Variants in HIVEP1 observed in about 807,000 individuals in gnomAD.
HIVEP1 encodes the protein zinc finger protein 40.
HIVEP1 carries 36 observed loss-of-function variants against 180.0 expected under a neutral mutation model. The observed-to-expected ratio is 0.20, with a 90% CI of 0.15 to 0.26. The LOEUF is 0.26. HIVEP1 is among the 10% of genes least tolerant of loss of function. HIVEP1 has a pLI of 1.00. For synonymous variants in HIVEP1, 1,239 were observed against 1,239.0 expected (o/e 1.00, Z 0.00); for missense variants, 3,143 against 3,268.7 (o/e 0.96, Z 0.94).
intron 2 of HIVEP1, among the ~76,000 whole-genome samples, chr6:12,082,734 G>A (rs1161832159): frequency 1.1e-4 from 16 of 152,116 alleles, no homozygotes. Context: ...TATAGTCACT[G>A]CATTACTGCA....
chr6:12,211,971 T>C, the HIVEP1 span, among the ~76,000 whole-genome samples: 1 of 152,164 alleles, frequency 6.6e-6, no homozygotes, highest in Non-Finnish European at 1.5e-5. Flanking sequence ...ATGCTTTCCT[T>C]GTTGGGAGAA....
In HIVEP1 at chr6:12,123,093, C is replaced by T; in HGVS notation, c.3298C>T (p.Pro1100Ser). ...CCATATTCACCTTGTTGCCAGGGGC[C>T]CTGAGCAGACCATGGATCCCAAGCT... ...NSHIHLVARG[P>S]EQTMDPKLST... Residue 1100 changes from proline (P) to serine (S), a missense_variant, in exon 4 of 9, where the codon CCT becomes TCT. Pro to Ser is a moderately conservative substitution (Grantham distance 74, BLOSUM62 -1). Transcript: ENST00000379388. 6.2e-7 allele frequency: 1 copy of T among 1,614,110 alleles called. No individual in the cohort carries two copies. Among genetic ancestry groups the T allele is most frequent in the South Asian group, 1.1e-5 (1 of 91,070 alleles).
chr6:12,182,123 A>G, the HIVEP1 span, among the ~76,000 whole-genome samples: 4 of 152,242 alleles, frequency 2.6e-5, no homozygotes, highest in African/African-American at 9.6e-5. Context: ...CACTTCCTGT[A>G]TTAACAGTAG....
chr6:12,177,602 T>G, the HIVEP1 span, among the ~76,000 whole-genome samples: 1 of 152,170 alleles, frequency 6.6e-6, no homozygotes, highest in Non-Finnish European at 1.5e-5. Flanking sequence ...CTCATTATTA[T>G]TATTGTTGCA....
chr6:12,174,048 A>G, the HIVEP1 span, among the ~76,000 whole-genome samples: 2 of 152,234 alleles, frequency 1.3e-5, no homozygotes, highest in African/African-American at 4.8e-5. Flanking sequence ...TTCATTACAC[A>G]GCAAGACATT....
chr6:12,140,035 C>T (rs1758924962), intron 7 of HIVEP1, among the ~76,000 whole-genome samples: 2 of 152,240 alleles, frequency 1.3e-5, no homozygotes, highest in East Asian at 1.9e-4. Flanking sequence ...ACTGCCTCCT[C>T]AAGTGGGTCC....
intron 2 of HIVEP1, among the ~76,000 whole-genome samples, chr6:12,028,603 G>A (rs1305986259): frequency 6.6e-6 from 1 of 152,166 alleles, no homozygotes; most frequent in African/African-American, 2.4e-5. Context: ...TTTGCAATAA[G>A]TTGTATTTGA....
rs186754296 is a variant in HIVEP1 at position 12,160,317 on chromosome 6, C to T, written c.6488-1122C>T. ...CATGATGTTAAGAGGCTGATACTAA[C>T]GACTTTTAGATAATATCCCCCTTTC... On this transcript the variant is annotated intron_variant, in intron 7 of 8. Transcript: ENST00000379388. 9.9e-5 allele frequency among the ~76,000 whole-genome samples: 15 copies of T among 152,250 alleles called. No individual in the cohort carries two copies. The East Asian group carries it at 1.5e-3, about 16-fold the overall frequency.
chr6:12,167,692 TATAC>T (rs1669224010), downstream of HIVEP1, among the ~76,000 whole-genome samples: 1 of 71,276 alleles, frequency 1.4e-5, no homozygotes, highest in South Asian at 4.0e-4. Context: ...GTATAATATA[TATAC>T]ATATATACAT....
chr6:12,048,527 G>T (rs780768806), intron 2 of HIVEP1, among the ~76,000 whole-genome samples: 4 of 152,060 alleles, frequency 2.6e-5, no homozygotes, highest in Non-Finnish European at 5.9e-5. Flanking sequence ...TAGTAATCAA[G>T]ATTCTACTTG....
At chr6:12,080,420 C>G (rs926799777) in intron 2 of HIVEP1, among the ~76,000 whole-genome samples, 1 of 152,084 alleles carries the variant, frequency 6.6e-6, no homozygotes, top group Non-Finnish European at 1.5e-5. Flanking sequence ...GTGGTGGTCT[C>G]ACAAGGCTGC....
At position 12,123,092 on chromosome 6, in the gene HIVEP1, C is replaced by T; in HGVS notation, c.3297C>T (p.Gly1099=). 4 of 1,614,082 alleles carry T rather than the reference C, an allele frequency of 2.5e-6. No homozygotes were observed. The highest frequency in any genetic ancestry group is 3.4e-6 in the Non-Finnish European group (4 of 1,179,996). Residue 1099 remains glycine, a synonymous_variant, in exon 4 of 9, where the codon GGC becomes GGT. Transcript: ENST00000379388. ...QNSHIHLVAR[G]PEQTMDPKLS... ...CCCATATTCACCTTGTTGCCAGGGGCCCTGAGCAGACCATGGATCCCAAGC... is the reference window on the plus strand; with the variant it reads ...CCCATATTCACCTTGTTGCCAGGGGTCCTGAGCAGACCATGGATCCCAAGC...
At chr6:12,070,012 T>C (rs1217950419) in intron 2 of HIVEP1, among the ~76,000 whole-genome samples, 1 of 152,162 alleles carries the variant, frequency 6.6e-6, no homozygotes, top group African/African-American at 2.4e-5. Flanking sequence ...GGCTCATCAG[T>C]ATCATTGTCT....
intron 3 of HIVEP1, among the ~76,000 whole-genome samples, chr6:12,095,611 C>T (rs545908722): frequency 1.3e-5 from 2 of 151,518 alleles, no homozygotes; most frequent in Non-Finnish European, 1.5e-5. Flanking sequence ...ATTATTTCTT[C>T]TCTGTTTCTG....
intron 2 of HIVEP1, among the ~76,000 whole-genome samples, chr6:12,052,871 T>G (rs1770626789): frequency 6.6e-6 from 1 of 152,234 alleles, no homozygotes; most frequent in Non-Finnish European, 1.5e-5. Flanking sequence ...AAACAATCAT[T>G]CCTGTGCTTT....
chr6:12,017,772 C>G lies in HIVEP1; in HGVS notation c.40+2104C>G, dbSNP rs867081312. Among the ~76,000 whole-genome samples, 9 of 152,308 alleles carry G rather than the reference C, an allele frequency of 5.9e-5. 1 individual carries two copies. The South Asian group carries it at 1.9e-3, about 32-fold the overall frequency. On this transcript the variant is annotated intron_variant, in intron 2 of 8. Coordinates refer to ENST00000379388, the MANE Select transcript of HIVEP1 (RefSeq NM_002114.4). ...GATTGGTGTATTTAAAAACCTTGAG[C>G]TAGATAAAGAGTGCTGATTGGTGTA... is the stretch of plus-strand genomic sequence containing the variant.
At chr6:12,177,317 A>G in the HIVEP1 span, among the ~76,000 whole-genome samples, 2 of 152,168 alleles carry the variant, frequency 1.3e-5, no homozygotes, top group South Asian at 4.1e-4. Flanking sequence ...AACCTAAAAT[A>G]CAAGTTAAAA....
intron 2 of HIVEP1, among the ~76,000 whole-genome samples, chr6:12,061,107 G>T (rs1183523779): frequency 6.6e-6 from 1 of 152,114 alleles, no homozygotes; most frequent in East Asian, 1.9e-4. Context: ...ACCTGTCATG[G>T]CTGGTAACGT....
upstream of HIVEP1, chr6:12,012,039 C>G (rs1385590868): frequency 3.4e-5 from 5 of 145,976 alleles, 1 homozygote; most frequent in African/African-American, 1.2e-4. Flanking sequence ...GTGCCCTACT[C>G]TGCCCCGGGG....
Sources: allele counts gnomAD v4.1 joint callset (sites outside exome capture counted in the v4.1 genomes callset), GRCh38; gene constraint gnomAD v4.1.1; transcripts MANE v1.5; gene names NCBI Gene and HGNC (gene_info 2026-07-23, HGNC 2026-07-21).